Variants in RPH3A observed in about 807,000 individuals in gnomAD.
RPH3A encodes the protein rabphilin-3A.
In RPH3A, 48 loss-of-function variants were observed where a neutral mutation model predicts 102.2. That is an observed-to-expected ratio of 0.47 (90% confidence interval 0.37 to 0.60). The LOEUF is 0.60. Among genes scored for constraint, RPH3A ranks in the 20% least tolerant of loss-of-function variants. The pLI, the probability that RPH3A is intolerant of heterozygous loss-of-function variation, is 0.00. For missense variants in RPH3A, 781 were observed against 910.1 expected (o/e 0.86, Z 1.83); for synonymous variants, 310 against 324.3 (o/e 0.96, Z 0.47).
chr12:112,578,773 A>G (rs2039376341), intron 1 of RPH3A, among the ~76,000 whole-genome samples: 1 of 152,230 alleles, frequency 6.6e-6, no homozygotes, highest in African/African-American at 2.4e-5. Flanking sequence ...CAACAACTGA[A>G]GCAGGCAGAG....
intron 1 of RPH3A, among the ~76,000 whole-genome samples, chr12:112,627,449 A>G (rs895532937): frequency 6.7e-6 from 1 of 150,344 alleles, no homozygotes; most frequent in Non-Finnish European, 1.5e-5. Context: ...TCATATGATT[A>G]CATATCATAT....
Position 112,701,053 on chromosome 12 carries a change from C to T in RPH3A, c.-139-91090C>T, listed in dbSNP as rs369864565. 1.6e-4 allele frequency among the ~76,000 whole-genome samples: 24 copies of T among 152,308 alleles called. No homozygotes were observed. In the East Asian group the frequency reaches 2.5e-3, roughly 16 times the overall value. ...CATGACCTTCCTCCCAGACCTACTC[C>T]TCCTTCTCCCTCCATCTTGTAGTCG... On this transcript the variant is annotated intron_variant, in intron 1 of 21. Transcript: ENST00000543106.
chr12:112,879,256 C>G lies in RPH3A; in HGVS notation c.1251+58C>G, dbSNP rs2042863639. 5.6e-6 allele frequency: 8 copies of G among 1,424,342 alleles called. No homozygotes were observed. The South Asian group carries it at 8.3e-5, about 15-fold the overall frequency. 88.2% of individuals were successfully genotyped at this position (1,424,342 alleles called of 1,614,324 possible). ...AGGATGCTCTGGCATGGCTAGGAGA[C>G]TCAGATGGGGATGGATGACCAGGCC... On this transcript the variant is annotated intron_variant, in intron 14 of 21. Coordinates refer to ENST00000389385, the MANE Select transcript of RPH3A (RefSeq NM_001143854.2).
rs530031015 is a variant in RPH3A at position 112,849,040 on chromosome 12, G to A, written c.230+1198G>A. 2.0e-5 allele frequency among the ~76,000 whole-genome samples: 3 copies of A among 152,298 alleles called. No homozygotes were observed. The South Asian group carries it at 6.2e-4, about 32-fold the overall frequency. ...TACCCAAGCCCTTCTGCCAGGGGAA[G>A]CCATTGCCAACTGCTTACAGCGGAT... On this transcript the variant is annotated intron_variant, in intron 5 of 21. Coordinates refer to ENST00000389385, the MANE Select transcript of RPH3A (RefSeq NM_001143854.2).
chr12:112,819,441 T>C (rs1374994668), intron 2 of RPH3A, among the ~76,000 whole-genome samples: 1 of 152,112 alleles, frequency 6.6e-6, no homozygotes, highest in Non-Finnish European at 1.5e-5. Flanking sequence ...ATTTTACAGA[T>C]GCAAAACTTG....
intron 1 of RPH3A, among the ~76,000 whole-genome samples, chr12:112,590,420 A>G (rs2135963033): frequency 6.6e-6 from 1 of 152,328 alleles, no homozygotes; most frequent in Non-Finnish European, 1.5e-5. Context: ...CTCTGGTGTT[A>G]GAATCCCATA....
chr12:112,812,090 C>T (rs1483343794), intron 2 of RPH3A, among the ~76,000 whole-genome samples: 1 of 151,162 alleles, frequency 6.6e-6, no homozygotes, highest in African/African-American at 2.4e-5. Flanking sequence ...AGGATTGCAA[C>T]AAAAGTCTGA....
intron 1 of RPH3A, among the ~76,000 whole-genome samples, chr12:112,684,567 C>A (rs1027804868): frequency 1.3e-5 from 2 of 151,972 alleles, no homozygotes; most frequent in African/African-American, 4.8e-5. Context: ...CACACCTGGC[C>A]GAGAATATCT....
intron 1 of RPH3A, among the ~76,000 whole-genome samples, chr12:112,672,032 A>C (rs1413360162): frequency 6.7e-6 from 1 of 150,304 alleles, no homozygotes; most frequent in Non-Finnish European, 1.5e-5. Context: ...TTAAATATAT[A>C]TATATTTATA....
intron 1 of RPH3A, among the ~76,000 whole-genome samples, chr12:112,785,934 G>C (rs1175146139): frequency 3.9e-5 from 6 of 152,134 alleles, no homozygotes; most frequent in Non-Finnish European, 5.9e-5. Context: ...CTTAGTAAAT[G>C]GTAGCTGTTA....
At chr12:112,576,909 C>CTTTTTTTTTTTTTTTTTT (rs3036138) in intron 1 of RPH3A, among the ~76,000 whole-genome samples, 1 of 114,622 alleles carries the variant, frequency 8.7e-6, no homozygotes, top group Non-Finnish European at 1.7e-5. Context: ...TCTTTTCTTC[C>CTTTTTTTTTTTTTTTTTT]TTTTTTTTTT....
upstream of RPH3A, among the ~76,000 whole-genome samples, chr12:112,788,198 T>G (rs2041064205): frequency 6.6e-6 from 1 of 152,216 alleles, no homozygotes. Context: ...CAAGGCTAGT[T>G]CCTAGATGGC....
chr12:112,770,491 G>A (rs527271785), intron 1 of RPH3A, among the ~76,000 whole-genome samples: 15 of 151,892 alleles, frequency 9.9e-5, no homozygotes, highest in Non-Finnish European at 1.3e-4. Flanking sequence ...GACTACAGGC[G>A]TGCACCACCA....
At position 112,713,027 on chromosome 12, in the gene RPH3A, TCTTCTTCTTCTTCTTCTTCTTCTC is replaced by T. The variant is rs1156432559; in HGVS notation, c.-139-79092_-139-79069del. On this transcript the variant is annotated intron_variant, in intron 1 of 21. Transcript: ENST00000543106. ...TTCCTCTTCCTCTTCCTCTTCCTCT[TCTTCTTCTTCTTCTTCTTCTTCTC>T]CTTCTTCTTCTTCTTCTTCTTCTTC... is the stretch of plus-strand genomic sequence containing the variant. 6.9e-3 allele frequency among the ~76,000 whole-genome samples: 474 copies of T among 69,062 alleles called. 21 individuals carry two copies. Among genetic ancestry groups the T allele is most frequent in the African/African-American group, 0.034 (438 of 13,072 alleles). 45.3% of individuals were successfully genotyped at this position (69,062 alleles called of 152,430 possible). A position where few individuals can be genotyped will look rare whatever the true frequency, so the allele number is the denominator to read the frequency against.
chr12:112,727,714 G>A (rs1038523013), intron 1 of RPH3A, among the ~76,000 whole-genome samples: 3 of 151,896 alleles, frequency 2.0e-5, no homozygotes, highest in Non-Finnish European at 2.9e-5. Flanking sequence ...GTCAGTCTAG[G>A]GATTAGAAAG....
intron 1 of RPH3A, among the ~76,000 whole-genome samples, chr12:112,637,078 A>G (rs2039853719): frequency 6.6e-6 from 1 of 152,096 alleles, no homozygotes; most frequent in African/African-American, 2.4e-5. Context: ...TCACTCCTTC[A>G]TTACATTTTA....
intron 5 of RPH3A, among the ~76,000 whole-genome samples, chr12:112,862,057 C>T (rs1213462338): frequency 6.7e-6 from 1 of 150,034 alleles, no homozygotes; most frequent in African/African-American, 2.5e-5. Context: ...GGAGGGCTCA[C>T]ATCTGTAATC....
intron 4 of RPH3A, among the ~76,000 whole-genome samples, chr12:112,845,604 T>C (rs902638732): frequency 2.0e-5 from 3 of 152,162 alleles, no homozygotes; most frequent in Non-Finnish European, 4.4e-5. Context: ...TAACCTCCAT[T>C]GCTTCTGTCT....
chr12:112,878,185 T>C (rs757400428), intron 13 of RPH3A, among the ~76,000 whole-genome samples: 6 of 152,186 alleles, frequency 3.9e-5, no homozygotes, highest in Non-Finnish European at 5.9e-5. Context: ...CACAGGCTGG[T>C]TCTGCTCTGA....
Sources: gnomAD v4.1 joint callset for allele counts (sites outside exome capture counted in the v4.1 genomes callset) on GRCh38, gnomAD v4.1.1 for gene constraint, MANE v1.5 for transcripts, NCBI Gene and HGNC (gene_info 2026-07-23, HGNC 2026-07-21) for gene names.